Variants in NCOA2 observed in about 807,000 individuals in gnomAD.
NCOA2 encodes the protein class E basic helix-loop-helix protein 75.
NCOA2 carries 21 observed loss-of-function variants against 145.1 expected under a neutral mutation model. That is an observed-to-expected ratio of 0.14 (90% CI 0.10 to 0.21). The LOEUF is 0.21. Ranked by LOEUF, NCOA2 falls within the 10% of genes least tolerant of loss-of-function variation. The pLI, the probability that NCOA2 is intolerant of heterozygous loss-of-function variation, is 1.00. For missense variants in NCOA2, 1,472 were observed against 1,837.6 expected, an observed-to-expected ratio of 0.80 and a Z score of 3.64; for synonymous variants, 619 against 637.5, an observed-to-expected ratio of 0.97 and a Z score of 0.44.
intron 11 of NCOA2, among the ~76,000 whole-genome samples, chr8:70,150,419 A>AAGT (rs1811606322): frequency 6.6e-6 from 1 of 152,208 alleles, no homozygotes; most frequent in African/African-American, 2.4e-5. Flanking sequence ...GTCCTAAGTG[A>AAGT]AGTAGTTTAT....
Position 70,141,202 on chromosome 8 carries a change from A to C in NCOA2, c.3010T>G (p.Ser1004Ala), listed in dbSNP as rs1171543569. The change falls in exon 14 of 23, where the codon TCT (serine) becomes GCT (alanine). Residue 1004 changes from serine to alanine, a missense_variant. This residue lies in a region of NCOA2 where 953 missense variants were observed against 1,062.1 expected (regional missense o/e 0.90). Coordinates refer to ENST00000452400, the MANE Select transcript of NCOA2 (RefSeq NM_006540.4). ...SQPGQRQTLQ[S>A]QVMNIGPSEL... ...ACCTTACCTATATTCATGACCTGAG[A>C]CTGAAGCGTCTGTCTTTGGCCAGGC... 1 of 1,613,764 alleles carries C rather than the reference A, an allele frequency of 6.2e-7. No individual in the cohort carries two copies. Among genetic ancestry groups the C allele is most frequent in the Non-Finnish European group, 8.5e-7 (1 of 1,179,804 alleles).
chr8:70,150,177 T>C (rs2132064128), intron 11 of NCOA2, among the ~76,000 whole-genome samples: 1 of 152,328 alleles, frequency 6.6e-6, no homozygotes, highest in East Asian at 1.9e-4. Context: ...TACAAGACCA[T>C]TTTTTAGCTA....
At chr8:70,399,895 C>T (rs974821733) in intron 1 of NCOA2, among the ~76,000 whole-genome samples, 10 of 152,216 alleles carry the variant, frequency 6.6e-5, no homozygotes, top group Admixed American at 5.9e-4. Context: ...TTATGGGTCA[C>T]ATTTCAACCT....
intron 2 of NCOA2, among the ~76,000 whole-genome samples, chr8:70,277,468 A>C (rs1416762293): frequency 6.6e-6 from 1 of 152,184 alleles, no homozygotes; most frequent in Non-Finnish European, 1.5e-5. Flanking sequence ...CGGTTAAATG[A>C]AACTAATCCT....
intron 1 of NCOA2, among the ~76,000 whole-genome samples, chr8:70,339,999 C>A: frequency 6.6e-6 from 1 of 152,152 alleles, no homozygotes; most frequent in East Asian, 1.9e-4. Flanking sequence ...AGAAGAATAT[C>A]TAGGCAATAC....
intron 15 of NCOA2, among the ~76,000 whole-genome samples, chr8:70,133,696 C>T (rs1168679719): frequency 6.6e-6 from 1 of 152,200 alleles, no homozygotes; most frequent in Admixed American, 6.5e-5. Context: ...GATGAGCAAA[C>T]TCATTCTTAA....
chr8:70,208,044 A>T (rs889967529), intron 4 of NCOA2, among the ~76,000 whole-genome samples: 2 of 151,922 alleles, frequency 1.3e-5, no homozygotes, highest in South Asian at 4.1e-4. Context: ...TGAGCTTAAG[A>T]GTTCGAGACC....
intron 1 of NCOA2, among the ~76,000 whole-genome samples, chr8:70,317,967 T>C (rs995654788): frequency 1.3e-5 from 2 of 152,150 alleles, no homozygotes; most frequent in Admixed American, 6.5e-5. Context: ...AAATTGTTTA[T>C]TGCCACTTTT....
At chr8:70,402,908 C>G in intron 1 of NCOA2, among the ~76,000 whole-genome samples, 1 of 141,248 alleles carries the variant, frequency 7.1e-6, no homozygotes, top group South Asian at 2.2e-4. Context: ...GCCCGGCCTG[C>G]TCGGCCCCAG....
At chr8:70,241,429 A>G (rs992752770) in intron 2 of NCOA2, among the ~76,000 whole-genome samples, 3 of 152,104 alleles carry the variant, frequency 2.0e-5, no homozygotes, top group Non-Finnish European at 4.4e-5. Flanking sequence ...GTTCATGAAT[A>G]TGTTTCTTTT....
chr8:70,155,093 G>T (rs886196670), intron 11 of NCOA2, among the ~76,000 whole-genome samples: 1 of 152,110 alleles, frequency 6.6e-6, no homozygotes. Context: ...ATCACTTAAG[G>T]TATCCTGGAT....
At chr8:70,223,900 A>T (rs1820378442) in intron 2 of NCOA2, among the ~76,000 whole-genome samples, 2 of 152,272 alleles carry the variant, frequency 1.3e-5, no homozygotes, top group Non-Finnish European at 2.9e-5. Flanking sequence ...TATGTATTAC[A>T]GGAAGCACTA....
At chr8:70,142,259 A>G (rs750780735) in intron 13 of NCOA2, among the ~76,000 whole-genome samples, 39 of 152,246 alleles carry the variant, frequency 2.6e-4, no homozygotes, top group Admixed American at 5.9e-4. Flanking sequence ...GCTTTCAAAT[A>G]TATGGCTGCT....
chr8:70,451,456 C>T, the NCOA2 span, among the ~76,000 whole-genome samples: 2 of 148,932 alleles, frequency 1.3e-5, no homozygotes, highest in Non-Finnish European at 3.0e-5. Flanking sequence ...TAGAATTTCT[C>T]TAAGTATCCT....
In NCOA2 at chr8:70,144,721, G is replaced by A. The variant is rs776350259; in HGVS notation, c.2733C>T (p.Tyr911=). 374 of 1,613,966 alleles carry A rather than the reference G, an allele frequency of 2.3e-4. 2 individuals are homozygous for A. The Admixed American group carries it at 6.1e-3, about 26-fold the overall frequency. ...PFPPIRNSSP[Y]SVIPQPGMMG... is the part of the protein sequence containing the mutation. Reference sequence around the variant, plus strand: ...TCATTCCTGGCTGAGGTATCACTGAGTAGGGACTACTGTTTCTGATTGGTG... The same window carrying A: ...TCATTCCTGGCTGAGGTATCACTGAATAGGGACTACTGTTTCTGATTGGTG... Residue 911 remains tyrosine, a synonymous_variant, in exon 13 of 23, where the codon TAC becomes TAT. Transcript: ENST00000452400.
chr8:70,395,281 G>A (rs1813550272), intron 1 of NCOA2, among the ~76,000 whole-genome samples: 1 of 152,196 alleles, frequency 6.6e-6, no homozygotes. Flanking sequence ...GCACTGCGTA[G>A]TAAGTGGTCA....
intron 2 of NCOA2, among the ~76,000 whole-genome samples, chr8:70,233,105 C>T (rs535202294): frequency 1.1e-4 from 3 of 28,466 alleles, no homozygotes; most frequent in African/African-American, 2.7e-4. Flanking sequence ...TCCGCCTGTA[C>T]TCCCAAGCTA....
chr8:70,238,157 C>T (rs759068553), intron 2 of NCOA2, among the ~76,000 whole-genome samples: 7 of 152,018 alleles, frequency 4.6e-5, no homozygotes, highest in South Asian at 4.1e-4. Flanking sequence ...CACACGCGCG[C>T]GCGCGCGTGT....
intron 2 of NCOA2, chr8:70,273,851 A>T: frequency 1.8e-6 from 1 of 553,918 alleles, no homozygotes; most frequent in Non-Finnish European, 3.5e-6. Context: ...GAAGTGAGTC[A>T]ACTTCAGTGA....
Sources: allele counts gnomAD v4.1 joint callset (sites outside exome capture counted in the v4.1 genomes callset), GRCh38; gene constraint gnomAD v4.1.1; regional missense constraint gnomAD v4.1.1; transcripts MANE v1.5; gene names NCBI Gene and HGNC (gene_info 2026-07-23, HGNC 2026-07-21).